Variants in EVX2 observed in about 807,000 individuals in gnomAD.
EVX2 encodes homeobox even-skipped homolog protein 2.
In EVX2, 10 loss-of-function variants were observed where a neutral mutation model predicts 19.2. The ratio of observed to expected loss-of-function variants is 0.52; its 90% CI spans 0.32 to 0.89. The LOEUF (loss-of-function observed/expected upper bound fraction) is 0.89, where lower values mean the gene tolerates loss of function less well. Ranked by LOEUF, EVX2 falls within the 40% of genes least tolerant of loss-of-function variation. The probability of loss-of-function intolerance (pLI) is 0.03; values close to 1 mark genes in which losing one functional copy is unlikely to be tolerated. For synonymous variants in EVX2, 354 were observed against 328.4 expected (o/e 1.08, Z -0.84); for missense variants, 710 against 694.9 (o/e 1.02, Z -0.24).
chr2:176,078,970 C>G lies in EVX2; in HGVS notation c.*1137G>C, dbSNP rs1371733153. 2.0e-5 allele frequency: 3 copies of G among 152,220 alleles called. No individual in the cohort carries two copies. The highest frequency in any genetic ancestry group is 4.4e-5 in the Non-Finnish European group (3 of 68,072). 9.4% of individuals were successfully genotyped at this position (152,220 alleles called of 1,614,324 possible). A position where few individuals can be genotyped will look rare whatever the true frequency, so the allele number is the denominator to read the frequency against. On this transcript the variant is annotated 3_prime_UTR_variant, in exon 3 of 3. Coordinates refer to ENST00000308618, the MANE Select transcript of EVX2 (RefSeq NM_001080458.2). ...TCTCAGCAACCCAGCGGTGGCTTTG[C>G]AGAGGCGAAGGCGCAATAGACATGC...
rs1250319411 is a variant in EVX2 at position 176,078,752 on chromosome 2, GGTCTCCGT to G, written c.*1347_*1354del. On this transcript the variant is annotated 3_prime_UTR_variant, in exon 3 of 3. Coordinates refer to ENST00000308618, the MANE Select transcript of EVX2 (RefSeq NM_001080458.2). ...AGCGGGTTGTTAGTACTTGACAGCAGGTCTCCGTGCGGGGAACTTTTCTCCAATTCCAC... is the reference window on the plus strand; with the variant it reads ...AGCGGGTTGTTAGTACTTGACAGCAGGCGGGGAACTTTTCTCCAATTCCAC... 2 of 152,226 alleles carry G rather than the reference GGTCTCCGT, an allele frequency of 1.3e-5. No individual in the cohort carries two copies. The highest frequency in any genetic ancestry group is 4.8e-5 in the African/African-American group (2 of 41,448). The allele number at this position is 152,226 out of a possible 1,614,324, so 9.4% of individuals were successfully genotyped here.
At position 176,083,272 on chromosome 2, in the gene EVX2, C is replaced by A. The variant is rs1342844838; in HGVS notation, c.427+78G>T. 6.9e-7 allele frequency: 1 copy of A among 1,441,146 alleles called. No individual in the cohort carries two copies. Among genetic ancestry groups the A allele is most frequent in the South Asian group, 1.4e-5 (1 of 73,770 alleles). 89.3% of individuals were successfully genotyped at this position (1,441,146 alleles called of 1,614,324 possible). On this transcript the variant is annotated intron_variant, in intron 1 of 2. Transcript: ENST00000308618. The surrounding 1 kb of genome is among the most constrained non-coding windows in gnomAD (Gnocchi z 4.4). Reference sequence around the variant, plus strand: ...GTGGAGGGTCTGAGAGGGGAAAAGGCACCGGGAAAGGCTGGCGGGGGCCGC... The same window carrying A: ...GTGGAGGGTCTGAGAGGGGAAAAGGAACCGGGAAAGGCTGGCGGGGGCCGC...
rs1689158335 is a variant in EVX2, at chr2:176,082,252, G to C, written c.625C>G (p.Arg209Gly). 2.5e-6 allele frequency: 4 copies of C among 1,603,688 alleles called. No homozygotes were observed. The highest frequency in any genetic ancestry group is 1.7e-6 in the Non-Finnish European group (2 of 1,179,154). The change falls in exon 2 of 3, where the codon CGG (arginine) becomes GGG (glycine). Residue 209 changes from arginine to glycine, a missense_variant. Physicochemically the swap from Arg to Gly is moderately radical, Grantham distance 125. Transcript: ENST00000308618. This position sits in a 1 kb window ranked among gnomAD's most constrained non-coding sequence, Gnocchi z 5.2. The stretch of plus-strand genomic sequence containing the variant: ...CGGGGCCGCGACACATAGTTCTCCC[G>C]GTAGAACTCCTTCTCCAGGCGCGCG... ...QIARLEKEFY[R>G]ENYVSRPRRC...
rs1190650412 is a variant in EVX2 at position 176,083,747 on chromosome 2, A to T, written c.30T>A (p.Ile10=). The T allele has an allele frequency of 1.9e-6, 3 of 1,612,878 alleles. No individual in the cohort carries two copies. In the African/African-American group the frequency reaches 4.0e-5, roughly 22 times the overall value. Residue 10 remains isoleucine (I), a synonymous_variant, in exon 1 of 3, where the codon ATT becomes ATA. Coordinates refer to ENST00000308618, the MANE Select transcript of EVX2 (RefSeq NM_001080458.2). This position sits in a 1 kb window ranked among gnomAD's most constrained non-coding sequence, Gnocchi z 4.4. MMERIRKEM[I]LMERGLHSPT... ...GGCTGTGCAGCCCTCTCTCCATCAGAATCATCTCTTTTCTTATTCTTTCCA... is the reference window on the plus strand; with the variant it reads ...GGCTGTGCAGCCCTCTCTCCATCAGTATCATCTCTTTTCTTATTCTTTCCA...
rs925804994 is a variant in EVX2 at position 176,083,447 on chromosome 2, A to G, written c.330T>C (p.Ala110=). 2 of 1,613,854 alleles carry G rather than the reference A, an allele frequency of 1.2e-6. No individual in the cohort carries two copies. The highest frequency in any genetic ancestry group is 2.2e-5 in the East Asian group (1 of 44,860). The change falls in exon 1 of 3, where the codon GCT becomes GCC. Residue 110 remains alanine, a synonymous_variant. Transcript: ENST00000308618. The surrounding 1 kb of genome is among the most constrained non-coding windows in gnomAD (Gnocchi z 4.4). The part of the protein sequence containing the change: ...KKPGHYSEAA[A]EADMSSDVEV... ...CCACGTCGCTGCTCATGTCGGCCTC[A>G]GCGGCCGCCTCTGAATAATGGCCCG... is the stretch of plus-strand genomic sequence containing the variant.
Position 176,082,524 on chromosome 2 carries a change from G to A in EVX2, c.428-75C>T, listed in dbSNP as rs949114077. 24 of 1,471,390 alleles carry A rather than the reference G, an allele frequency of 1.6e-5. No homozygotes were observed. Among genetic ancestry groups the A allele is most frequent in the Non-Finnish European group, 2.1e-5 (23 of 1,112,722 alleles). The allele number at this position is 1,471,390 out of a possible 1,614,324, so 91.1% of individuals were successfully genotyped here. ...CCGGCGCTGGCGCTGCGCGCGGATC[G>A]GGGAAGCCCCGTCAGGAAGGAGAGT... is the stretch of plus-strand genomic sequence containing the variant. On this transcript the variant is annotated intron_variant, in intron 1 of 2. Coordinates refer to ENST00000308618, the MANE Select transcript of EVX2 (RefSeq NM_001080458.2). This position sits in a 1 kb window ranked among gnomAD's most constrained non-coding sequence, Gnocchi z 5.2.
rs1354809221 is a variant in EVX2, at chr2:176,082,836, G to C, written c.428-387C>G. Reference sequence around the variant, plus strand: ...GTCTTCGGGGTTTCAAATATTTTAAGAGTTCCAACACAGCAGTAGCTCAAA... The same window carrying C: ...GTCTTCGGGGTTTCAAATATTTTAACAGTTCCAACACAGCAGTAGCTCAAA... On this transcript the variant is annotated intron_variant, in intron 1 of 2. Coordinates refer to ENST00000308618, the MANE Select transcript of EVX2 (RefSeq NM_001080458.2). This position sits in a 1 kb window ranked among gnomAD's most constrained non-coding sequence, Gnocchi z 5.2. Among the ~76,000 whole-genome samples the C allele has an allele frequency of 1.3e-5, 2 of 152,166 alleles. No individual in the cohort carries two copies. The highest frequency in any genetic ancestry group is 2.9e-5 in the Non-Finnish European group (2 of 68,034).
Position 176,080,260 on chromosome 2 carries a change from GC to G in EVX2, c.1277del (p.Gly426AlafsTer38). The G allele has an allele frequency of 7.8e-7, 1 of 1,276,970 alleles. No individual in the cohort carries two copies. The allele number at this position is 1,276,970 out of a possible 1,614,324, so 79.1% of individuals were successfully genotyped here. ...GGGGGGGGGG[G>X]GGAGAGGGSD... ...AGCCTCCCCCGGCCCCGGCGCCCCC[GC>G]CGCCGCCGCCACCACCACCACCGCC... On this transcript the variant is annotated frameshift_variant, in exon 3 of 3. Transcript: ENST00000308618. LOFTEE classifies it high-confidence loss of function. The surrounding 1 kb of genome is among the most constrained non-coding windows in gnomAD (Gnocchi z 7.0).
Position 176,080,278 on chromosome 2 carries a change from ACCACCG to A in EVX2, c.1254_1259del (p.Gly427_Gly428del). ...CGCCCCCGCCGCCGCCGCCACCACC[ACCACCG>A]CCGCCGCCACCGCCACCCCGGGAAC... On this transcript the variant is annotated inframe_deletion, in exon 3 of 3. Coordinates refer to ENST00000308618, the MANE Select transcript of EVX2 (RefSeq NM_001080458.2). This position sits in a 1 kb window ranked among gnomAD's most constrained non-coding sequence, Gnocchi z 7.0. 7.8e-7 allele frequency: 1 copy of A among 1,278,800 alleles called. No individual in the cohort carries two copies. Among genetic ancestry groups the A allele is most frequent in the South Asian group, 2.0e-5 (1 of 49,266 alleles). 79.2% of individuals were successfully genotyped at this position (1,278,800 alleles called of 1,614,324 possible).
rs759116819 is a variant in EVX2 at position 176,083,736 on chromosome 2, C to G, written c.41G>C (p.Arg14Thr). The change falls in exon 1 of 3, where the codon AGA (arginine) becomes ACA (threonine). Residue 14 changes from arginine to threonine, a missense_variant. Arg to Thr is a moderately conservative substitution (Grantham distance 71). Coordinates refer to ENST00000308618, the MANE Select transcript of EVX2 (RefSeq NM_001080458.2). The surrounding 1 kb of genome is among the most constrained non-coding windows in gnomAD (Gnocchi z 4.4). Reference sequence around the variant, plus strand: ...GCCCGCCGTAGGGCTGTGCAGCCCTCTCTCCATCAGAATCATCTCTTTTCT... The same window carrying G: ...GCCCGCCGTAGGGCTGTGCAGCCCTGTCTCCATCAGAATCATCTCTTTTCT... ...RIRKEMILME[R>T]GLHSPTAGKR... 9.3e-6 allele frequency: 15 copies of G among 1,613,404 alleles called. No homozygotes were observed. The highest frequency in any genetic ancestry group is 1.3e-5 in the Non-Finnish European group (15 of 1,179,904).
Position 176,080,540 on chromosome 2 carries a change from TC to T in EVX2, c.997del (p.Glu333SerfsTer131). ...AGGGTGGCGGAAGCTACACAGCAGC[TC>T]CGGCCGAGAGTAGGGGTGCGAGAGG... ...RALSHPYSRPELLCSFRHPGL... is the reference protein window; with the variant it reads ...RALSHPYSRPXLLCSFRHPGL... On this transcript the variant is annotated frameshift_variant, in exon 3 of 3. Transcript: ENST00000308618. LOFTEE classifies it low-confidence loss of function (END_TRUNC). This position sits in a 1 kb window ranked among gnomAD's most constrained non-coding sequence, Gnocchi z 7.0. 1 of 1,510,834 alleles carries T rather than the reference TC, an allele frequency of 6.6e-7. No homozygotes were observed. Among genetic ancestry groups the T allele is most frequent in the Non-Finnish European group, 8.7e-7 (1 of 1,145,492 alleles). 93.6% of individuals were successfully genotyped at this position (1,510,834 alleles called of 1,614,324 possible). A position where few individuals can be genotyped will look rare whatever the true frequency, so the allele number is the denominator to read the frequency against.
At position 176,082,734 on chromosome 2, in the gene EVX2, A is replaced by C. The variant is rs1448589178; in HGVS notation, c.428-285T>G. ...AGGGAAAATGCCTACCTCTGGGCGC[A>C]GTTTGGGAAGCTCTGGGTTTCCCAT... On this transcript the variant is annotated intron_variant, in intron 1 of 2. Transcript: ENST00000308618. This position sits in a 1 kb window ranked among gnomAD's most constrained non-coding sequence, Gnocchi z 5.2. Among the ~76,000 whole-genome samples, 1 of 152,244 alleles carries C rather than the reference A, an allele frequency of 6.6e-6. No individual in the cohort carries two copies. Among genetic ancestry groups the C allele is most frequent in the Non-Finnish European group, 1.5e-5 (1 of 68,040 alleles).
chr2:176,083,271 G>A lies in EVX2; in HGVS notation c.427+79C>T, dbSNP rs547793385. 2 of 1,432,272 alleles carry A rather than the reference G, an allele frequency of 1.4e-6. No individual in the cohort carries two copies. The highest frequency in any genetic ancestry group is 1.9e-6 in the Non-Finnish European group (2 of 1,060,676). The allele number at this position is 1,432,272 out of a possible 1,614,324, so 88.7% of individuals were successfully genotyped here. A position where few individuals can be genotyped will look rare whatever the true frequency, so the allele number is the denominator to read the frequency against. On this transcript the variant is annotated intron_variant, in intron 1 of 2. Coordinates refer to ENST00000308618, the MANE Select transcript of EVX2 (RefSeq NM_001080458.2). This position sits in a 1 kb window ranked among gnomAD's most constrained non-coding sequence, Gnocchi z 4.4. The stretch of plus-strand genomic sequence containing the variant: ...TGTGGAGGGTCTGAGAGGGGAAAAG[G>A]CACCGGGAAAGGCTGGCGGGGGCCG...
chr2:176,080,316 C>A lies in EVX2; in HGVS notation c.1222G>T (p.Ala408Ser). 7.6e-7 allele frequency: 1 copy of A among 1,308,354 alleles called. No individual in the cohort carries two copies. The allele number at this position is 1,308,354 out of a possible 1,614,324, so 81.0% of individuals were successfully genotyped here. Reference sequence around the variant, plus strand: ...CCACCGCCACCCCGGGAACCCAGGGCTGCGGCAGCTGCTGCCGCGGCTGCC... The same window carrying A: ...CCACCGCCACCCCGGGAACCCAGGGATGCGGCAGCTGCTGCCGCGGCTGCC... Reference protein sequence around the residue: ...AAAAAAAAAAALGSRGGGGGG... With the variant: ...AAAAAAAAAASLGSRGGGGGG... Residue 408 changes from alanine to serine, a missense_variant, in exon 3 of 3, where the codon GCC becomes TCC. By Grantham distance (99) the Ala-to-Ser change is moderately conservative. Coordinates refer to ENST00000308618, the MANE Select transcript of EVX2 (RefSeq NM_001080458.2). The surrounding 1 kb of genome is among the most constrained non-coding windows in gnomAD (Gnocchi z 7.0).
chr2:176,079,700 T>G lies in EVX2; in HGVS notation c.*407A>C. On this transcript the variant is annotated 3_prime_UTR_variant, in exon 3 of 3. Transcript: ENST00000308618. The surrounding 1 kb of genome is among the most constrained non-coding windows in gnomAD (Gnocchi z 4.4). ...CAGCGCACAGCATCCCCCTCTGTCTTTGTTGTGGTTCTCCGTTGCTTCGGG... is the reference window on the plus strand; with the variant it reads ...CAGCGCACAGCATCCCCCTCTGTCTGTGTTGTGGTTCTCCGTTGCTTCGGG... 2 of 156,392 alleles carry G rather than the reference T, an allele frequency of 1.3e-5. No individual in the cohort carries two copies. The highest frequency in any genetic ancestry group is 2.8e-5 in the Non-Finnish European group (2 of 71,134). The allele number at this position is 156,392 out of a possible 1,614,324, so 9.7% of individuals were successfully genotyped here. A position where few individuals can be genotyped will look rare whatever the true frequency, so the allele number is the denominator to read the frequency against.
rs374162005 is a variant in EVX2 at position 176,080,827 on chromosome 2, C to T, written c.711G>A (p.Gln237=). 6.2e-7 allele frequency: 1 copy of T among 1,611,572 alleles called. No homozygotes were observed. Among genetic ancestry groups the T allele is most frequent in the Non-Finnish European group, 8.5e-7 (1 of 1,179,368 alleles). Residue 237 remains glutamine, a synonymous_variant, in exon 3 of 3, where the codon CAG becomes CAA. Coordinates refer to ENST00000308618, the MANE Select transcript of EVX2 (RefSeq NM_001080458.2). This position sits in a 1 kb window ranked among gnomAD's most constrained non-coding sequence, Gnocchi z 7.0. ...LPETTIKVWF[Q]NRRMKDKRQR... is the part of the protein sequence containing the mutation. ...GCCGCTTGTCCTTCATGCGCCGGTT[C>T]TGGAACCACACCTGCGGGGAGAGAC...
chr2:176,080,428 G>GGCCGCAGCCGCTGCGGCTGCCGCGGCT lies in EVX2; in HGVS notation c.1083_1109dup (p.Ala362_Ala370dup). ...GCGCGCCGGCCGCCGCCGCCGAGGA[G>GGCCGCAGCCGCTGCGGCTGCCGCGGCT]GCCGCAGCCGCTGCGGCTGCCGCGG... On this transcript the variant is annotated inframe_insertion, in exon 3 of 3. Coordinates refer to ENST00000308618, the MANE Select transcript of EVX2 (RefSeq NM_001080458.2). The surrounding 1 kb of genome is among the most constrained non-coding windows in gnomAD (Gnocchi z 7.0). The GGCCGCAGCCGCTGCGGCTGCCGCGGCT allele has an allele frequency of 9.0e-7, 1 of 1,106,476 alleles. No individual in the cohort carries two copies. Among genetic ancestry groups the GGCCGCAGCCGCTGCGGCTGCCGCGGCT allele is most frequent in the Non-Finnish European group, 1.1e-6 (1 of 909,434 alleles). The allele number at this position is 1,106,476 out of a possible 1,614,324, so 68.5% of individuals were successfully genotyped here. A position where few individuals can be genotyped will look rare whatever the true frequency, so the allele number is the denominator to read the frequency against.
At position 176,082,259 on chromosome 2, in the gene EVX2, C is replaced by G. The variant is rs1444177701; in HGVS notation, c.618G>C (p.Glu206Asp). 6.2e-7 allele frequency: 1 copy of G among 1,603,542 alleles called. No individual in the cohort carries two copies. Among genetic ancestry groups the G allele is most frequent in the Non-Finnish European group, 8.5e-7 (1 of 1,179,162 alleles). Residue 206 changes from glutamate to aspartate, a missense_variant, in exon 2 of 3, where the codon GAG (glutamate) becomes GAC (aspartate). Physicochemically the swap from Glu to Asp is conservative, Grantham distance 45. Transcript: ENST00000308618. The surrounding 1 kb of genome is among the most constrained non-coding windows in gnomAD (Gnocchi z 5.2). The stretch of plus-strand genomic sequence containing the variant: ...GCGACACATAGTTCTCCCGGTAGAA[C>G]TCCTTCTCCAGGCGCGCGATCTGCT... ...TREQIARLEK[E>D]FYRENYVSRP...
rs1689159534 is a variant in EVX2, at chr2:176,082,324, C to T, written c.553G>A (p.Ala185Thr). The change falls in exon 2 of 3, where the codon GCG (alanine) becomes ACG (threonine). Residue 185 changes from alanine to threonine, a missense_variant. Physicochemically the swap from Ala to Thr is moderately conservative, Grantham distance 58. Coordinates refer to ENST00000308618, the MANE Select transcript of EVX2 (RefSeq NM_001080458.2). The surrounding 1 kb of genome is among the most constrained non-coding windows in gnomAD (Gnocchi z 5.2). ...SAALGGSGSG[A>T]DQVRRYRTAF... ...GTACGGTAGCGCCGCACTTGATCCG[C>T]GCCAGAGCCGGAGCCACCCAGCGCC... 10 of 1,596,964 alleles carry T rather than the reference C, an allele frequency of 6.3e-6. No individual in the cohort carries two copies. Among genetic ancestry groups the T allele is most frequent in the Non-Finnish European group, 7.6e-6 (9 of 1,176,610 alleles).
Sources: gnomAD v4.1 joint callset for allele counts (sites outside exome capture counted in the v4.1 genomes callset) on GRCh38, gnomAD v4.1.1 for gene constraint, Gnocchi (gnomAD v3.1) non-coding constraint, MANE v1.5 for transcripts, NCBI Gene and HGNC (gene_info 2026-07-23, HGNC 2026-07-21) for gene names.